TUB: variants seen among roughly 807,000 people sequenced by gnomAD.
TUB encodes the protein TUB bipartite transcription factor.
Under a neutral mutation model 59.7 loss-of-function variants are expected in TUB, and 33 were observed. That is an observed-to-expected ratio of 0.55 (90% CI 0.42 to 0.74). TUB has a LOEUF of 0.74. Among genes scored for constraint, TUB ranks in the 30% least tolerant of loss-of-function variants. The pLI is 0.00. For synonymous variants in TUB, 293 were observed against 256.4 expected, an observed-to-expected ratio of 1.14 and a Z score of -1.36; for missense variants, 659 against 672.0, an observed-to-expected ratio of 0.98 and a Z score of 0.21.
chr11:8,057,185 T>A (rs1943033806), intron 2 of TUB, among the ~76,000 whole-genome samples: 1 of 152,124 alleles, frequency 6.6e-6, no homozygotes, highest in African/African-American at 2.4e-5. Context: ...AGACAGCTCA[T>A]GAGAATCGAT....
intron 2 of TUB, among the ~76,000 whole-genome samples, chr11:8,059,820 C>G (rs1943087828): frequency 6.6e-6 from 1 of 152,114 alleles, no homozygotes; most frequent in Non-Finnish European, 1.5e-5. Flanking sequence ...CTCGGGTTGG[C>G]TTTTAAAAGT....
chr11:8,042,036 A>G (rs1476738497), intron 2 of TUB, among the ~76,000 whole-genome samples: 1 of 152,164 alleles, frequency 6.6e-6, no homozygotes, highest in African/African-American at 2.4e-5. Flanking sequence ...GTACAGTTCA[A>G]TGGTTTTAAG....
chr11:8,049,588 T>G (rs1408968826), intron 2 of TUB, among the ~76,000 whole-genome samples: 19 of 141,536 alleles, frequency 1.3e-4, no homozygotes, highest in African/African-American at 5.6e-4. Context: ...TATAGATAGA[T>G]AGATAGATAG....
At chr11:8,039,007 A>C in exon 1 of TUB, 3 of 1,613,480 alleles carry the variant, frequency 1.9e-6, no homozygotes, top group Non-Finnish European at 1.7e-6. Flanking sequence ...GGGCCCCTGA[A>C]ACGGGGCCAC....
At chr11:8,067,913 C>G (rs1190677069) in intron 2 of TUB, 1 of 152,308 alleles carries the variant, frequency 6.6e-6, no homozygotes, top group African/African-American at 2.4e-5. Context: ...TCACAATGCC[C>G]AACCCCTTCT....
chr11:8,028,172 T>C (rs1189716607), intron 1 of TUB, among the ~76,000 whole-genome samples: 3 of 152,178 alleles, frequency 2.0e-5, no homozygotes, highest in African/African-American at 7.2e-5. Flanking sequence ...AGTGGTATCT[T>C]ATCATGGTTT....
At chr11:8,062,703 G>A (rs1039548155) in intron 2 of TUB, among the ~76,000 whole-genome samples, 1 of 152,124 alleles carries the variant, frequency 6.6e-6, no homozygotes, top group African/African-American at 2.4e-5. Context: ...TTTTTAAAAT[G>A]CACATTCCCA....
At chr11:8,023,041 G>A (rs1387290071) in intron 1 of TUB, among the ~76,000 whole-genome samples, 1 of 152,238 alleles carries the variant, frequency 6.6e-6, no homozygotes, top group Non-Finnish European at 1.5e-5. Context: ...GCCAGGCTCA[G>A]CTTTTCTGGG....
At chr11:8,093,992 G>A in intron 3 of TUB, 54 bp from the exon 4 acceptor site, 3 of 1,610,434 alleles carry the variant, frequency 1.9e-6, no homozygotes, top group Non-Finnish European at 2.5e-6. Flanking sequence ...TGGGAGCTCT[G>A]GTCTCACCCA....
chr11:8,096,109 G>A (rs1943982454), intron 5 of TUB, among the ~76,000 whole-genome samples: 1 of 152,222 alleles, frequency 6.6e-6, no homozygotes. Context: ...ATGGCTTCCT[G>A]TACAAAGGAC....
intron 2 of TUB, among the ~76,000 whole-genome samples, chr11:8,056,449 G>A (rs976313733): frequency 7.2e-5 from 11 of 152,142 alleles, no homozygotes; most frequent in East Asian, 1.9e-4. Flanking sequence ...TGTGTGGTGC[G>A]CATGCTTGTG....
At position 8,090,220 on chromosome 11, in the gene TUB, C is replaced by G. The variant is rs762952820; in HGVS notation, c.242C>G (p.Thr81Ser). ...TCCTACCTCAGCAGCAGTGGCAGCA[C>G]CAGCTACCAAGGTATACCTTGCCTG... ...VESYLSSSGS[T>S]SYQVQEADSL... Residue 81 changes from threonine (T) to serine (S), a missense_variant, in exon 3 of 12, where the codon ACC (threonine) becomes AGC (serine). Around this residue, in one of 3 missense-constraint regions of TUB, gnomAD observed 321 missense variants for 304.3 expected, o/e 1.05. Transcript: ENST00000299506. 1.9e-6 allele frequency: 3 copies of G among 1,613,544 alleles called. No individual in the cohort carries two copies. The highest frequency in any genetic ancestry group is 2.2e-5 in the South Asian group (2 of 91,066).
At chr11:8,062,886 G>A (rs1240167431) in intron 2 of TUB, among the ~76,000 whole-genome samples, 3 of 152,166 alleles carry the variant, frequency 2.0e-5, no homozygotes, top group Non-Finnish European at 4.4e-5. Context: ...ACACTCAGAC[G>A]TTGTCTCTGG....
intron 2 of TUB, among the ~76,000 whole-genome samples, chr11:8,063,487 G>A (rs370345947): frequency 9.2e-5 from 14 of 152,210 alleles, no homozygotes; most frequent in Admixed American, 2.6e-4. Context: ...TTTATTTCCC[G>A]TCTTGCCGGC....
At chr11:8,064,920 G>A (rs868415801) in intron 2 of TUB, among the ~76,000 whole-genome samples, 13 of 152,330 alleles carry the variant, frequency 8.5e-5, no homozygotes, top group African/African-American at 1.2e-4. Flanking sequence ...AGCAGTTATG[G>A]ATACTCAAAG....
At chr11:8,061,110 G>A (rs540098307) in intron 2 of TUB, among the ~76,000 whole-genome samples, 13 of 152,324 alleles carry the variant, frequency 8.5e-5, no homozygotes, top group Admixed American at 5.2e-4. Flanking sequence ...GCCACAGGTC[G>A]GCCCCCTCGT....
chr11:8,069,610 A>T lies in TUB; in HGVS notation c.204-20000A>T, dbSNP rs193122463. ...CATCAGAAATGTCTTTTATTTTCCT[A>T]TCTAATGGGATTGGCGCTCCTCTCA... On this transcript the variant is annotated intron_variant, in intron 2 of 12. Coordinates refer to the TUB transcript ENST00000305253. Among the ~76,000 whole-genome samples the T allele has an allele frequency of 2.0e-3, 300 of 152,090 alleles. 3 individuals are homozygous for T. Among genetic ancestry groups the T allele is most frequent in the Admixed American group, 0.017 (259 of 15,284 alleles).
At chr11:8,049,124 A>G (rs1589932305) in intron 2 of TUB, among the ~76,000 whole-genome samples, 1 of 152,308 alleles carries the variant, frequency 6.6e-6, no homozygotes, top group African/African-American at 2.4e-5. Flanking sequence ...TAGTCGGCCC[A>G]AAGCATGGGC....
At position 8,096,941 on chromosome 11, in the gene TUB, C is replaced by T. The variant is rs749611998; in HGVS notation, c.687+135C>T. 4.0e-4 allele frequency: 418 copies of T among 1,036,362 alleles called. 1 individual carries two copies. Among genetic ancestry groups the T allele is most frequent in the Non-Finnish European group, 5.4e-4 (375 of 689,238 alleles). The allele number at this position is 1,036,362 out of a possible 1,614,324, so 64.2% of individuals were successfully genotyped here. On this transcript the variant is annotated intron_variant, in intron 6 of 11. Transcript: ENST00000299506. ...GGCCTCTTATGTCCCTCTACCTTGC[C>T]TCCTAACCTCTTCAGCTAGGCCAGC... is the stretch of plus-strand genomic sequence containing the variant.
Sources: gnomAD v4.1 joint callset for allele counts (sites outside exome capture counted in the v4.1 genomes callset) on GRCh38, gnomAD v4.1.1 for gene constraint, gnomAD v4.1.1 regional missense constraint, MANE v1.5 for transcripts, NCBI Gene and HGNC (gene_info 2026-07-23, HGNC 2026-07-21) for gene names.